The following RYR2 variants were observed in gnomAD, a reference collection of about 807,000 sequenced individuals.
RYR2 encodes cardiac muscle ryanodine receptor-calcium release channel.
In RYR2, 227 loss-of-function variants were observed where a neutral mutation model predicts 601.1. The observed-to-expected ratio is 0.38, with a 90% CI of 0.34 to 0.42. The LOEUF (loss-of-function observed/expected upper bound fraction) is 0.42, where lower values mean the gene tolerates loss of function less well. Among genes scored for constraint, RYR2 ranks in the 10% least tolerant of loss-of-function variants. The pLI, the probability that RYR2 is intolerant of heterozygous loss-of-function variation, is 1.00. For missense variants in RYR2, 4,646 were observed against 6,156.5 expected (o/e 0.75, Z 8.21); for synonymous variants, 2,223 against 2,175.1 (o/e 1.02, Z -0.61).
chr1:237,590,829 G>A lies in RYR2; in HGVS notation c.3997G>A (p.Asp1333Asn), dbSNP rs368281275. 3 of 1,613,806 alleles carry A rather than the reference G, an allele frequency of 1.9e-6. No homozygotes were observed. Among genetic ancestry groups the A allele is most frequent in the Non-Finnish European group, 2.5e-6 (3 of 1,179,852 alleles). Residue 1333 changes from aspartate (D) to asparagine (N), a missense_variant, in exon 31 of 105, where the codon GAC becomes AAC. By Grantham distance (23) the Asp-to-Asn change is conservative (BLOSUM62 1). Around this residue, in one of 17 missense-constraint regions of RYR2, gnomAD observed 1,807 missense variants for 2,088.1 expected, o/e 0.87. Coordinates refer to ENST00000366574, the MANE Select transcript of RYR2 (RefSeq NM_001035.3). ...GGCTGGCCTTTTTGGGCCCAAGAAT[G>A]ACTTGGAAGATTATGATGCTGATTC... ...PGAGLFGPKN[D>N]LEDYDADSDF...
intron 23 of RYR2, among the ~76,000 whole-genome samples, chr1:237,508,892 G>A (rs544112996): frequency 4.2e-4 from 64 of 150,758 alleles, no homozygotes; most frequent in Non-Finnish European, 8.0e-4. Flanking sequence ...ACAGGCGCCC[G>A]CTACCACGCC....
At chr1:237,727,906 T>A (rs1690329523) in intron 76 of RYR2, among the ~76,000 whole-genome samples, 1 of 152,036 alleles carries the variant, frequency 6.6e-6, no homozygotes, top group Non-Finnish European at 1.5e-5. Context: ...TCTGAGAAAC[T>A]ATGCTCTTTC....
At chr1:237,205,915 G>T (rs774726461) in intron 1 of RYR2, among the ~76,000 whole-genome samples, 15 of 152,206 alleles carry the variant, frequency 9.9e-5, no homozygotes, top group Admixed American at 4.6e-4. Flanking sequence ...ACTGGAAGCC[G>T]TGAGTCAGAC....
rs773481966 is a variant in RYR2 at position 237,042,602 on chromosome 1, G to A, written c.48+33G>A. ...CCGTGCGTCGCGTGTGCTGTCAGGG[G>A]AAGGGGGCGTCAGGGCATCCACTAG... On this transcript the variant is annotated intron_variant, in intron 1 of 104. Coordinates refer to ENST00000366574, the MANE Select transcript of RYR2 (RefSeq NM_001035.3). 4 of 1,254,048 alleles carry A rather than the reference G, an allele frequency of 3.2e-6. No individual in the cohort carries two copies. The Middle Eastern group carries it at 6.2e-4, about 194-fold the overall frequency. The allele number at this position is 1,254,048 out of a possible 1,614,324, so 77.7% of individuals were successfully genotyped here.
intron 1 of RYR2, among the ~76,000 whole-genome samples, chr1:237,069,699 T>A (rs12081563): frequency 0.011 from 1,629 of 152,280 alleles, 30 homozygotes; most frequent in African/African-American, 0.037. Context: ...AGTCCATTTT[T>A]AAAAAATGGT....
At chr1:237,176,575 TA>T (rs201125582) in intron 1 of RYR2, among the ~76,000 whole-genome samples, 59 of 150,932 alleles carry the variant, frequency 3.9e-4, no homozygotes, top group Non-Finnish European at 6.5e-4. Flanking sequence ...TTTATTTATT[TA>T]TTTTTTTAAA....
At chr1:237,546,796 C>A (rs1206866015) in intron 25 of RYR2, among the ~76,000 whole-genome samples, 2 of 151,608 alleles carry the variant, frequency 1.3e-5, no homozygotes, top group East Asian at 1.9e-4. Context: ...TATATTGATT[C>A]ATTCAACAAA....
chr1:237,703,097 C>T (rs1445086923), intron 66 of RYR2, among the ~76,000 whole-genome samples: 5 of 151,688 alleles, frequency 3.3e-5, no homozygotes, highest in Non-Finnish European at 3.0e-5. Flanking sequence ...TTCATAGATT[C>T]CATTGTATTT....
chr1:237,768,666 C>T (rs1308455783), intron 84 of RYR2, among the ~76,000 whole-genome samples: 1 of 152,140 alleles, frequency 6.6e-6, no homozygotes, highest in Non-Finnish European at 1.5e-5. Flanking sequence ...TTGCACACAT[C>T]ACAAAATAGA....
At chr1:237,064,535 T>C (rs1663285049) in intron 1 of RYR2, among the ~76,000 whole-genome samples, 1 of 152,118 alleles carries the variant, frequency 6.6e-6, no homozygotes, top group Non-Finnish European at 1.5e-5. Flanking sequence ...TTGGACATAA[T>C]GTAAGAAAAG....
At chr1:237,582,790 C>T (rs1674071726) in intron 29 of RYR2, among the ~76,000 whole-genome samples, 1 of 151,978 alleles carries the variant, frequency 6.6e-6, no homozygotes, top group Admixed American at 6.6e-5. Flanking sequence ...GTATGTGTAC[C>T]ACATTTTCTT....
intron 1 of RYR2, among the ~76,000 whole-genome samples, chr1:237,209,955 A>G (rs569125695): frequency 6.6e-6 from 1 of 152,318 alleles, no homozygotes; most frequent in African/African-American, 2.4e-5. Flanking sequence ...AATCTTTGTG[A>G]TATTTTTAAT....
chr1:237,739,335 G>C (rs1355509980), intron 79 of RYR2, among the ~76,000 whole-genome samples: 1 of 152,094 alleles, frequency 6.6e-6, no homozygotes, highest in East Asian at 1.9e-4. Flanking sequence ...CCATCGGTTT[G>C]CTGTTGCCAC....
At chr1:237,378,127 T>G (rs1447623026) in intron 8 of RYR2, among the ~76,000 whole-genome samples, 1 of 152,190 alleles carries the variant, frequency 6.6e-6, no homozygotes, top group Non-Finnish European at 1.5e-5. Context: ...CAAGAGCTTG[T>G]GCAGGGGAAC....
At chr1:237,663,333 C>T (rs1375063950) in intron 56 of RYR2, among the ~76,000 whole-genome samples, 2 of 152,178 alleles carry the variant, frequency 1.3e-5, no homozygotes, top group Non-Finnish European at 2.9e-5. Flanking sequence ...ATAAACTCTT[C>T]TGACTAAAGG....
chr1:237,786,061 T>C, intron 91 of RYR2, 25 bp downstream of exon 91: 1 of 1,455,506 alleles, frequency 6.9e-7, no homozygotes, highest in South Asian at 1.2e-5. Flanking sequence ...CATATACTTT[T>C]CCTTCGTTTC....
intron 25 of RYR2, among the ~76,000 whole-genome samples, chr1:237,547,538 C>G (rs1487998534): frequency 6.6e-6 from 1 of 152,022 alleles, no homozygotes; most frequent in Non-Finnish European, 1.5e-5. Context: ...ATCCTGACCT[C>G]AAGGTATAGT....
intron 1 of RYR2, among the ~76,000 whole-genome samples, chr1:237,123,433 G>A (rs1671033059): frequency 6.6e-6 from 1 of 151,884 alleles, no homozygotes; most frequent in Admixed American, 6.6e-5. Context: ...CAAAAAAATA[G>A]GAAAATTAGC....
At chr1:237,473,217 A>G (rs1230937371) in intron 17 of RYR2, among the ~76,000 whole-genome samples, 2 of 152,002 alleles carry the variant, frequency 1.3e-5, no homozygotes, top group Non-Finnish European at 2.9e-5. Context: ...TGAGGTCAGG[A>G]GTTTGAAACC....
Sources: gnomAD v4.1 joint callset for allele counts (sites outside exome capture counted in the v4.1 genomes callset) on GRCh38, gnomAD v4.1.1 for gene constraint, gnomAD v4.1.1 regional missense constraint, MANE v1.5 for transcripts, NCBI Gene and HGNC (gene_info 2026-07-23, HGNC 2026-07-21) for gene names.